Variants in MAMDC2 observed in about 807,000 individuals in gnomAD.
MAMDC2 encodes the protein MAM domain containing 2.
A neutral mutation model predicts 89.8 loss-of-function variants in MAMDC2; 57 were observed. The observed-to-expected ratio is 0.63, with a 90% CI of 0.51 to 0.79. The LOEUF (loss-of-function observed/expected upper bound fraction) is 0.79. MAMDC2 is among the 30% of genes least tolerant of loss of function. The pLI is 0.00. For missense variants in MAMDC2, 800 were observed against 820.6 expected, an observed-to-expected ratio of 0.97 and a Z score of 0.31; for synonymous variants, 313 against 293.4, an observed-to-expected ratio of 1.07 and a Z score of -0.68.
At chr9:70,126,079 A>G in intron 5 of MAMDC2, 80 bp from the exon 6 acceptor site, 1 of 1,418,300 alleles carries the variant, frequency 7.1e-7, no homozygotes, top group Non-Finnish European at 9.7e-7. Flanking sequence ...TAGAATGCAG[A>G]ATCACACCAT....
At chr9:70,048,821 C>T (rs1459705815) in intron 2 of MAMDC2, among the ~76,000 whole-genome samples, 1 of 152,156 alleles carries the variant, frequency 6.6e-6, no homozygotes, top group East Asian at 1.9e-4. Context: ...TCCAAACAGG[C>T]ACAATTCAAA....
At chr9:70,077,529 TTAAATG>T (rs1395366324) in intron 2 of MAMDC2, among the ~76,000 whole-genome samples, 1 of 152,252 alleles carries the variant, frequency 6.6e-6, no homozygotes, top group Non-Finnish European at 1.5e-5. Context: ...TTCAGTTAGT[TTAAATG>T]TAAATAGCCA....
rs1424072403 is a variant in MAMDC2 at position 70,145,729 on chromosome 9, TTTAA to T, written c.1404+1918_1404+1921del. Among the ~76,000 whole-genome samples, 14 of 152,288 alleles carry T rather than the reference TTTAA, an allele frequency of 9.2e-5. No individual in the cohort carries two copies. In the South Asian group the frequency reaches 2.3e-3, roughly 25 times the overall value. On this transcript the variant is annotated intron_variant, in intron 9 of 13. Transcript: ENST00000377182. ...ATTTTATTTATTCATTTGGCTTTGATTTAATTAATTATTTATTTATTTATTCATT... is the reference window on the plus strand; with the variant it reads ...ATTTTATTTATTCATTTGGCTTTGATTTAATTATTTATTTATTTATTCATT...
chr9:70,221,433 A>C (rs7469211), intron 12 of MAMDC2, among the ~76,000 whole-genome samples: 51,665 of 89,302 alleles, frequency 0.58, 16,937 homozygotes, highest in Non-Finnish European at 0.67. Flanking sequence ...AAGTGCTATG[A>C]AGAAGTCAAG....
chr9:70,186,214 C>T (rs1379280597), intron 11 of MAMDC2, among the ~76,000 whole-genome samples: 2 of 152,146 alleles, frequency 1.3e-5, no homozygotes, highest in Non-Finnish European at 2.9e-5. Flanking sequence ...TCATTCCTTT[C>T]TACATTTCCA....
intron 11 of MAMDC2, among the ~76,000 whole-genome samples, chr9:70,210,724 A>C (rs1045732953): frequency 1.3e-5 from 2 of 152,134 alleles, no homozygotes; most frequent in African/African-American, 2.4e-5. Flanking sequence ...TCTTCCTAGC[A>C]TTGATGGTCT....
intron 2 of MAMDC2, among the ~76,000 whole-genome samples, chr9:70,048,093 G>T (rs1009268267): frequency 1.3e-5 from 2 of 152,138 alleles, no homozygotes; most frequent in Non-Finnish European, 2.9e-5. Context: ...ACCCAGTTTT[G>T]TCTACTTTCT....
intron 11 of MAMDC2, among the ~76,000 whole-genome samples, chr9:70,198,181 TACACACAC>T (rs3071637): frequency 6.9e-6 from 1 of 145,056 alleles, no homozygotes; most frequent in South Asian, 2.2e-4. Context: ...TATATATATA[TACACACAC>T]ACACACACAA....
At chr9:70,046,345 A>C (rs1826751724) in intron 2 of MAMDC2, among the ~76,000 whole-genome samples, 1 of 152,232 alleles carries the variant, frequency 6.6e-6, no homozygotes, top group South Asian at 2.1e-4. Flanking sequence ...TAGGTCTGGC[A>C]CTAGGGTGAA....
intron 12 of MAMDC2, among the ~76,000 whole-genome samples, chr9:70,224,969 A>T (rs2033620746): frequency 1.3e-5 from 2 of 152,192 alleles, no homozygotes; most frequent in Admixed American, 1.3e-4. Flanking sequence ...TTTTTTATTT[A>T]AATTATAAAC....
chr9:70,220,672 T>C (rs2033538404), intron 12 of MAMDC2, among the ~76,000 whole-genome samples: 1 of 152,152 alleles, frequency 6.6e-6, no homozygotes, highest in Admixed American at 6.6e-5. Context: ...AGTGGCTGAA[T>C]GAGAACCAGA....
intron 2 of MAMDC2, among the ~76,000 whole-genome samples, chr9:70,098,191 G>A (rs2997688): frequency 0.064 from 9,747 of 152,226 alleles, 990 homozygotes; most frequent in African/African-American, 0.21. Flanking sequence ...GTACAAGCTG[G>A]TAACTAGAGG....
At chr9:70,185,053 A>G (rs1013067102) in intron 11 of MAMDC2, among the ~76,000 whole-genome samples, 4 of 151,940 alleles carry the variant, frequency 2.6e-5, no homozygotes, top group Non-Finnish European at 4.4e-5. Flanking sequence ...TGACTTTTGG[A>G]TGGGGATTTT....
At chr9:70,091,389 C>T (rs1322306803) in intron 2 of MAMDC2, among the ~76,000 whole-genome samples, 2 of 152,114 alleles carry the variant, frequency 1.3e-5, no homozygotes, top group Non-Finnish European at 2.9e-5. Context: ...AAGGCAGGAG[C>T]CACAGTGTAG....
At chr9:70,216,146 TGA>T (rs2033441670) in intron 11 of MAMDC2, 1 of 152,206 alleles carries the variant, frequency 6.6e-6, no homozygotes, top group Middle Eastern at 3.2e-3. Context: ...CATGAAATAA[TGA>T]GACATATGAT....
intron 7 of MAMDC2, among the ~76,000 whole-genome samples, chr9:70,136,636 G>GA (rs994758530): frequency 7.3e-5 from 11 of 151,652 alleles, no homozygotes; most frequent in Admixed American, 1.3e-4. Flanking sequence ...GACAAAGAAT[G>GA]AAAAAAAAGG....
At chr9:70,192,085 G>C (rs1445566148) in intron 11 of MAMDC2, among the ~76,000 whole-genome samples, 1 of 152,058 alleles carries the variant, frequency 6.6e-6, no homozygotes, top group African/African-American at 2.4e-5. Context: ...ACTGAAACAG[G>C]CAAGTCCCCC....
chr9:70,059,333 AC>A (rs1827095209), intron 2 of MAMDC2, among the ~76,000 whole-genome samples: 1 of 152,162 alleles, frequency 6.6e-6, no homozygotes, highest in Non-Finnish European at 1.5e-5. Context: ...TGACGAAGGT[AC>A]CCCTTACAAA....
intron 2 of MAMDC2, chr9:70,081,416 C>T (rs983259469): frequency 1.3e-5 from 2 of 152,034 alleles, no homozygotes; most frequent in African/African-American, 4.8e-5. Flanking sequence ...ACTGTCCTCT[C>T]CTGCCCCTTG....
Sources: allele counts gnomAD v4.1 joint callset (sites outside exome capture counted in the v4.1 genomes callset), GRCh38; gene constraint gnomAD v4.1.1; transcripts MANE v1.5; gene names NCBI Gene and HGNC (gene_info 2026-07-23, HGNC 2026-07-21).